FGD4: variants seen among roughly 807,000 people sequenced by gnomAD.
The protein encoded by FGD4 is FYVE, RhoGEF and PH domain containing 4, also known as FYVE, RhoGEF and PH domain-containing protein 4.
In FGD4, 42 loss-of-function variants were observed where a neutral mutation model predicts 102.0. The ratio of observed to expected loss-of-function variants is 0.41; its 90% confidence interval spans 0.32 to 0.53. FGD4 has a LOEUF of 0.53. Among genes scored for constraint, FGD4 ranks in the 20% least tolerant of loss-of-function variants. FGD4 has a pLI of 0.21. For missense variants in FGD4, 902 were observed against 1,078.2 expected (o/e 0.84, Z 2.29); for synonymous variants, 380 against 375.7 (o/e 1.01, Z -0.13).
intron 1 of FGD4, among the ~76,000 whole-genome samples, chr12:32,553,238 T>C (rs981251982): frequency 2.0e-5 from 3 of 152,192 alleles, no homozygotes; most frequent in Non-Finnish European, 4.4e-5. Flanking sequence ...TAACAGGCAC[T>C]GTGGCCATGG....
chr12:32,493,734 T>C (rs1226552408), intron 1 of FGD4, among the ~76,000 whole-genome samples: 2 of 152,222 alleles, frequency 1.3e-5, no homozygotes, highest in East Asian at 3.8e-4. Flanking sequence ...CCTTATGGAT[T>C]TTACCTTTTA....
chr12:32,559,572 G>T (rs1450836754), intron 1 of FGD4, among the ~76,000 whole-genome samples: 1 of 152,102 alleles, frequency 6.6e-6, no homozygotes, highest in Non-Finnish European at 1.5e-5. Context: ...ATTGCCTCTG[G>T]CAAAAGATGT....
chr12:32,610,192 G>C lies in FGD4; in HGVS notation c.1544-584G>C, dbSNP rs189754458. On this transcript the variant is annotated intron_variant, in intron 8 of 16. Coordinates refer to ENST00000534526, the MANE Select transcript of FGD4 (RefSeq NM_001370298.3). Reference sequence around the variant, plus strand: ...TTAAATCTGGCCCTTCAATAGCATAGCTGTGTGACCTCAGCCAAGTTGTAT... The same window carrying C: ...TTAAATCTGGCCCTTCAATAGCATACCTGTGTGACCTCAGCCAAGTTGTAT... Among the ~76,000 whole-genome samples, 90 of 152,288 alleles carry C rather than the reference G, an allele frequency of 5.9e-4. 1 individual carries two copies. Among genetic ancestry groups the C allele is most frequent in the African/African-American group, 2.1e-3 (87 of 41,562 alleles).
At chr12:32,513,803 C>T (rs1019750679) in intron 1 of FGD4, among the ~76,000 whole-genome samples, 6 of 152,170 alleles carry the variant, frequency 3.9e-5, no homozygotes, top group Non-Finnish European at 8.8e-5. Context: ...GTGAGGGAAG[C>T]AGACTTGGAT....
At position 32,645,851 on chromosome 12, in the gene FGD4, C is replaced by G. The variant is rs1263312150; in HGVS notation, c.*5318C>G. 6.6e-6 allele frequency: 1 copy of G among 152,124 alleles called. No individual in the cohort carries two copies. Among genetic ancestry groups the G allele is most frequent in the Non-Finnish European group, 1.5e-5 (1 of 68,036 alleles). The allele number at this position is 152,124 out of a possible 1,614,324, so 9.4% of individuals were successfully genotyped here. ...TGTTTTTGGAATTTTACAGTTGACT[C>G]AAGTGTGAAAGTATACACAAGTAAT... On this transcript the variant is annotated 3_prime_UTR_variant, in exon 17 of 17. Transcript: ENST00000534526.
At chr12:32,602,064 G>A (rs977844555) in intron 6 of FGD4, 97 bp from the exon 7 acceptor site, 8 of 1,112,536 alleles carry the variant, frequency 7.2e-6, no homozygotes, top group African/African-American at 1.5e-5. Context: ...GCAGTGAGCT[G>A]TGATAATGCC....
intron 1 of FGD4, among the ~76,000 whole-genome samples, chr12:32,436,543 T>G (rs1239841738): frequency 6.6e-6 from 1 of 152,250 alleles, no homozygotes; most frequent in East Asian, 1.9e-4. Context: ...TGCCAAAGCC[T>G]TGTTTCTCCC....
In FGD4 at chr12:32,515,915, T is replaced by C. The variant is rs530556465; in HGVS notation, c.167-48222T>C. Among the ~76,000 whole-genome samples the C allele has an allele frequency of 3.3e-5, 5 of 152,318 alleles. No individual in the cohort carries two copies. The East Asian group carries it at 7.7e-4, about 23-fold the overall frequency. On this transcript the variant is annotated intron_variant, in intron 1 of 16. Transcript: ENST00000534526. ...CTATGGTTTTGAATGCAATACACCT[T>C]TTAAAAGGGCAGGCAAATAAGCTTT...
At chr12:32,601,167 C>T (rs1457255803) in intron 5 of FGD4, 111 bp from the exon 6 acceptor site, 5 of 1,118,736 alleles carry the variant, frequency 4.5e-6, no homozygotes, top group African/African-American at 1.6e-5. Flanking sequence ...GAACTGTAAA[C>T]TTTTCCATTT....
In FGD4 at chr12:32,468,072, T is replaced by TTGCCCTGTCACCCAGGCTGGAGTGC. The variant is rs1943315050; in HGVS notation, c.166+68114_166+68138dup. On this transcript the variant is annotated intron_variant, in intron 1 of 16. Transcript: ENST00000534526. ...ATAATTTTTTTTCTAAGTTGGGGTG[T>TTGCCCTGTCACCCAGGCTGGAGTGC]TGCCCTGTCACCCAGGCTGGAGTGC... Among the ~76,000 whole-genome samples, 4 of 152,158 alleles carry TTGCCCTGTCACCCAGGCTGGAGTGC rather than the reference T, an allele frequency of 2.6e-5. No individual in the cohort carries two copies. The South Asian group carries it at 8.3e-4, about 32-fold the overall frequency.
chr12:32,540,208 G>A (rs139433507), intron 1 of FGD4, among the ~76,000 whole-genome samples: 41 of 152,196 alleles, frequency 2.7e-4, no homozygotes, highest in African/African-American at 9.9e-4. Flanking sequence ...GTTTAAGTTC[G>A]CCTCCCTCAT....
chr12:32,434,112 C>T (rs1384298836), intron 1 of FGD4, among the ~76,000 whole-genome samples: 1 of 152,132 alleles, frequency 6.6e-6, no homozygotes, highest in Admixed American at 6.5e-5. Flanking sequence ...CCTCAGCCTC[C>T]CAAAGTGCTG....
chr12:32,427,363 A>G (rs1941877012), intron 1 of FGD4, among the ~76,000 whole-genome samples: 1 of 152,154 alleles, frequency 6.6e-6, no homozygotes, highest in Admixed American at 6.5e-5. Context: ...GTTTCCATGT[A>G]GTTGTGCAGT....
At chr12:32,433,862 A>G (rs1457469864) in intron 1 of FGD4, among the ~76,000 whole-genome samples, 2 of 150,698 alleles carry the variant, frequency 1.3e-5, no homozygotes, top group African/African-American at 2.4e-5. Context: ...TTTATTTATT[A>G]TTATTATTTT....
At chr12:32,546,846 G>T (rs368967748) in intron 1 of FGD4, among the ~76,000 whole-genome samples, 68 of 152,318 alleles carry the variant, frequency 4.5e-4, no homozygotes, top group Middle Eastern at 3.4e-3. Context: ...AGCTGAAGAG[G>T]TGGTGAGAAG....
Position 32,532,630 on chromosome 12 carries a change from C to A in FGD4, c.167-31507C>A, listed in dbSNP as rs555441656. ...ACCTGAGATTACAATTTAAACATTG[C>A]TATCAAAGCTCAGGAAGTACAGACA... On this transcript the variant is annotated intron_variant, in intron 1 of 16. Coordinates refer to ENST00000534526, the MANE Select transcript of FGD4 (RefSeq NM_001370298.3). Among the ~76,000 whole-genome samples the A allele has an allele frequency of 5.9e-5, 9 of 151,672 alleles. No homozygotes were observed. In the South Asian group the frequency reaches 1.9e-3, roughly 32 times the overall value.
intron 1 of FGD4, among the ~76,000 whole-genome samples, chr12:32,447,427 A>G (rs1942649493): frequency 6.6e-6 from 1 of 152,188 alleles, no homozygotes; most frequent in Non-Finnish European, 1.5e-5. Context: ...GGTTGACTCA[A>G]ATAGAGGCTA....
At chr12:32,584,487 A>G (rs868310318) in intron 4 of FGD4, among the ~76,000 whole-genome samples, 1 of 152,182 alleles carries the variant, frequency 6.6e-6, no homozygotes, top group Non-Finnish European at 1.5e-5. Flanking sequence ...TGGCTTGTCT[A>G]TTAACTAGCA....
At chr12:32,563,622 C>G (rs1370257360) in intron 1 of FGD4, among the ~76,000 whole-genome samples, 5 of 152,188 alleles carry the variant, frequency 3.3e-5, no homozygotes, top group Non-Finnish European at 7.3e-5. Context: ...AGGCTGCAAT[C>G]TCGGCACTTT....
Sources: allele counts gnomAD v4.1 joint callset (sites outside exome capture counted in the v4.1 genomes callset), GRCh38; gene constraint gnomAD v4.1.1; transcripts MANE v1.5; gene names NCBI Gene and HGNC (gene_info 2026-07-23, HGNC 2026-07-21).